Variants in IL1R1 observed in about 807,000 individuals in gnomAD.
IL1R1 encodes interleukin 1 receptor type 1.
Under a neutral mutation model 50.2 loss-of-function variants are expected in IL1R1, and 22 were observed. The ratio of observed to expected loss-of-function variants is 0.44; its 90% confidence interval spans 0.31 to 0.63. The LOEUF (loss-of-function observed/expected upper bound fraction) is 0.63. Ranked by LOEUF, IL1R1 falls within the 20% of genes least tolerant of loss-of-function variation. IL1R1 has a pLI of 0.07. For missense variants in IL1R1, 509 were observed against 676.2 expected (o/e 0.75, Z 2.74); for synonymous variants, 251 against 236.7 (o/e 1.06, Z -0.55).
chr2:102,160,206 T>G (rs1339674846), intron 3 of IL1R1, among the ~76,000 whole-genome samples: 1 of 152,200 alleles, frequency 6.6e-6, no homozygotes, highest in Non-Finnish European at 1.5e-5. Context: ...TGGCATAACA[T>G]TGTTTATAAT....
At chr2:102,155,666 A>C (rs1684117107) in intron 2 of IL1R1, among the ~76,000 whole-genome samples, 1 of 151,580 alleles carries the variant, frequency 6.6e-6, no homozygotes, top group Non-Finnish European at 1.5e-5. Context: ...GGACAGGGCC[A>C]CTCCCACCCC....
At chr2:102,159,737 CAG>C (rs1300705997) in intron 3 of IL1R1, among the ~76,000 whole-genome samples, 1 of 152,164 alleles carries the variant, frequency 6.6e-6, no homozygotes, top group East Asian at 1.9e-4. Flanking sequence ...CAAAGAGTGG[CAG>C]TGCTCTGGAA....
intron 1 of IL1R1, among the ~76,000 whole-genome samples, chr2:102,080,085 C>G (rs887102777): frequency 4.6e-5 from 7 of 152,134 alleles, no homozygotes; most frequent in Admixed American, 3.9e-4. Context: ...AAAATTTACT[C>G]AAAAAGCAAT....
At chr2:102,079,325 A>G (rs1679108685) in intron 1 of IL1R1, among the ~76,000 whole-genome samples, 1 of 152,188 alleles carries the variant, frequency 6.6e-6, no homozygotes, top group African/African-American at 2.4e-5. Context: ...CTATTCTCAA[A>G]TGACCTGGTC....
At position 102,178,055 on chromosome 2, in the gene IL1R1, GC is replaced by G; in HGVS notation, c.*1301del. On this transcript the variant is annotated 3_prime_UTR_variant, in exon 12 of 12. Transcript: ENST00000410023. ...GGTTGGCCTGGTGGCCATGTCGCCT[GC>G]CCCCAGCACTCCTCTGTCTCTGCTC... The G allele has an allele frequency of 6.5e-6, 1 of 153,672 alleles. No homozygotes were observed. The highest frequency in any genetic ancestry group is 1.5e-5 in the Non-Finnish European group (1 of 68,828). The allele number at this position is 153,672 out of a possible 1,614,324, so 9.5% of individuals were successfully genotyped here.
intron 1 of IL1R1, among the ~76,000 whole-genome samples, chr2:102,144,126 T>C (rs1454549622): frequency 6.6e-6 from 1 of 152,278 alleles, no homozygotes; most frequent in African/African-American, 2.4e-5. Context: ...GTTTTCTTTC[T>C]CAATCCCTTC....
At chr2:102,166,510 T>A (rs923577081) in intron 6 of IL1R1, among the ~76,000 whole-genome samples, 4 of 152,186 alleles carry the variant, frequency 2.6e-5, no homozygotes, top group Admixed American at 1.3e-4. Flanking sequence ...ATGAGCTGTG[T>A]TTTCCAACTG....
chr2:102,082,720 G>C lies in IL1R1; in HGVS notation c.-84+12187G>C, dbSNP rs1186753780. 7.9e-5 allele frequency among the ~76,000 whole-genome samples: 12 copies of C among 152,244 alleles called. 1 individual carries two copies. Among genetic ancestry groups the C allele is most frequent in the Middle Eastern group, 3.4e-3 (1 of 294 alleles). On this transcript the variant is annotated intron_variant, in intron 1 of 11. Coordinates refer to the IL1R1 transcript ENST00000409929. ...TCTCTTTTTTAAATATTTCAAGCGAGCATGCCATCAGCAGGGCTGTCTTCA... is the reference window on the plus strand; with the variant it reads ...TCTCTTTTTTAAATATTTCAAGCGACCATGCCATCAGCAGGGCTGTCTTCA...
chr2:102,131,701 A>G (rs546595528), intron 1 of IL1R1, among the ~76,000 whole-genome samples: 10 of 152,130 alleles, frequency 6.6e-5, no homozygotes, highest in Admixed American at 3.3e-4. Context: ...GAGCATCACG[A>G]AACGGTGGGA....
At chr2:102,142,050 G>A (rs1682686024), upstream of IL1R1, 1 of 152,300 alleles carries the variant, frequency 6.6e-6, no homozygotes, top group Middle Eastern at 3.4e-3. Context: ...TAAAAACCCT[G>A]TCTGCCCCCA....
intron 1 of IL1R1, among the ~76,000 whole-genome samples, chr2:102,150,568 C>T (rs1196813444): frequency 6.6e-6 from 1 of 152,154 alleles, no homozygotes; most frequent in African/African-American, 2.4e-5. Context: ...TGTGATACGC[C>T]AGTGTTACCA....
At chr2:102,134,294 T>G (rs1458277767) in intron 1 of IL1R1, among the ~76,000 whole-genome samples, 2 of 152,126 alleles carry the variant, frequency 1.3e-5, no homozygotes, top group Admixed American at 1.3e-4. Flanking sequence ...TAGGCTGCTC[T>G]CTCTGCAGTC....
rs1679396663 is a variant in IL1R1, at chr2:102,085,555, T to C, written c.-84+15022T>C. 4.6e-5 allele frequency among the ~76,000 whole-genome samples: 7 copies of C among 152,188 alleles called. No homozygotes were observed. The South Asian group carries it at 1.4e-3, about 32-fold the overall frequency. Reference sequence around the variant, plus strand: ...GGTGTGTATGAGTCTTTTTCTGGACTATTCATTCTATTGCATTGGCCAGTT... The same window carrying C: ...GGTGTGTATGAGTCTTTTTCTGGACCATTCATTCTATTGCATTGGCCAGTT... On this transcript the variant is annotated intron_variant, in intron 1 of 11. Coordinates refer to the IL1R1 transcript ENST00000409929.
At chr2:102,147,420 A>G (rs1683245105) in intron 1 of IL1R1, among the ~76,000 whole-genome samples, 1 of 152,212 alleles carries the variant, frequency 6.6e-6, no homozygotes, top group Admixed American at 6.5e-5. Context: ...TCTGGTTCTC[A>G]GTCAACTTTT....
chr2:102,168,454 C>A, intron 6 of IL1R1, 144 bp from the exon 7 acceptor site: 1 of 685,802 alleles, frequency 1.5e-6, no homozygotes, highest in Non-Finnish European at 2.7e-6. Flanking sequence ...TCACTTTCTG[C>A]CTCCTGTCTC....
chr2:102,086,707 C>T (rs761022251), intron 1 of IL1R1, among the ~76,000 whole-genome samples: 6 of 152,140 alleles, frequency 3.9e-5, no homozygotes, highest in Non-Finnish European at 8.8e-5. Context: ...AAAAAATTCT[C>T]GTTACTGTTC....
At chr2:102,174,780 T>G in intron 10 of IL1R1, 50 bp downstream of exon 10, 1 of 1,485,106 alleles carries the variant, frequency 6.7e-7, no homozygotes, top group African/African-American at 1.4e-5. Flanking sequence ...TAAGGGATAG[T>G]TAGGAGATGT....
chr2:102,172,278 C>T, intron 8 of IL1R1: 2 of 985,250 alleles, frequency 2.0e-6, no homozygotes, highest in Non-Finnish European at 2.4e-6. Context: ...CTCTCGAAAG[C>T]CTCTACTGGT....
At position 102,166,101 on chromosome 2, in the gene IL1R1, C is replaced by T. The variant is rs1382529635; in HGVS notation, c.487-12C>T. ...TTATTGGTTTTCAATGCTTCTCTCT[C>T]CCTTTATCTAGGATTGCAAACCTCT... is the stretch of plus-strand genomic sequence containing the variant. On this transcript the variant is annotated splice_polypyrimidine_tract_variant and intron_variant, in intron 5 of 11. Transcript: ENST00000410023. 1 of 1,607,214 alleles carries T rather than the reference C, an allele frequency of 6.2e-7. No individual in the cohort carries two copies. The highest frequency in any genetic ancestry group is 8.5e-7 in the Non-Finnish European group (1 of 1,175,254).
Sources: gnomAD v4.1 joint callset for allele counts (sites outside exome capture counted in the v4.1 genomes callset) on GRCh38, gnomAD v4.1.1 for gene constraint, MANE v1.5 for transcripts, NCBI Gene and HGNC (gene_info 2026-07-23, HGNC 2026-07-21) for gene names.